The following ATP13A3 variants were observed in gnomAD, a reference collection of about 807,000 sequenced individuals.
ATP13A3 encodes ATPase 13A3.
In ATP13A3, 59 loss-of-function variants were observed where a neutral mutation model predicts 158.1. The ratio of observed to expected loss-of-function variants is 0.37; its 90% CI spans 0.30 to 0.46. The LOEUF (loss-of-function observed/expected upper bound fraction) is 0.46, where lower values mean the gene tolerates loss of function less well. ATP13A3 is among the 20% of genes least tolerant of loss of function. ATP13A3 has a pLI of 1.00. For synonymous variants in ATP13A3, 491 were observed against 504.3 expected, an observed-to-expected ratio of 0.97 and a Z score of 0.35; for missense variants, 1,166 against 1,525.2, an observed-to-expected ratio of 0.76 and a Z score of 3.92.
chr3:194,446,918 T>C lies in ATP13A3; in HGVS notation c.1497+9A>G. 1.3e-6 allele frequency: 2 copies of C among 1,587,070 alleles called. No individual in the cohort carries two copies. The highest frequency in any genetic ancestry group is 2.3e-5 in the South Asian group (2 of 85,942). The stretch of plus-strand genomic sequence containing the variant: ...TAACCTTTGAAAGTAACTATGAAAC[T>C]GAACCCACCTTGTCAAAGCAAACAA... On this transcript the variant is annotated intron_variant, in intron 14 of 33. Transcript: ENST00000645319.
chr3:194,465,200 A>G (rs1395178015), intron 2 of ATP13A3, among the ~76,000 whole-genome samples: 2 of 152,302 alleles, frequency 1.3e-5, no homozygotes, highest in Middle Eastern at 3.4e-3. Flanking sequence ...GATGGAAAAC[A>G]CTTTACAGGT....
At chr3:194,445,122 T>C (rs1468313542) in intron 14 of ATP13A3, among the ~76,000 whole-genome samples, 2 of 151,876 alleles carry the variant, frequency 1.3e-5, no homozygotes, top group Non-Finnish European at 2.9e-5. Flanking sequence ...AAAGGATGCC[T>C]ATAAAGCAAA....
At chr3:194,453,085 G>C (rs1338505478) in intron 10 of ATP13A3, 1 of 152,052 alleles carries the variant, frequency 6.6e-6, no homozygotes, top group African/African-American at 2.4e-5. Context: ...GACTGAGGCA[G>C]GAGGATCTCT....
intron 2 of ATP13A3, among the ~76,000 whole-genome samples, chr3:194,471,672 A>C (rs547673071): frequency 6.6e-6 from 1 of 152,314 alleles, no homozygotes; most frequent in Admixed American, 6.5e-5. Context: ...TTTTTATCAA[A>C]CTAATTCATC....
In ATP13A3 at chr3:194,405,638, A is replaced by G. The variant is rs899303042; in HGVS notation, c.*281T>C. On this transcript the variant is annotated 3_prime_UTR_variant, in exon 34 of 34. Coordinates refer to ENST00000645319, the MANE Select transcript of ATP13A3 (RefSeq NM_001367549.1). ...ACTTCTCCTGTACCCAATATAAAGA[A>G]TATCACTGAAAGTAACAATCAAGAA... 8.9e-5 allele frequency: 31 copies of G among 349,594 alleles called. No individual in the cohort carries two copies. Among genetic ancestry groups the G allele is most frequent in the African/African-American group, 6.5e-4 (31 of 47,628 alleles). 21.7% of individuals were successfully genotyped at this position (349,594 alleles called of 1,614,324 possible). A position where few individuals can be genotyped will look rare whatever the true frequency, so the allele number is the denominator to read the frequency against.
At chr3:194,422,963 T>C (rs1716498223) in intron 30 of ATP13A3, among the ~76,000 whole-genome samples, 1 of 150,116 alleles carries the variant, frequency 6.7e-6, no homozygotes, top group South Asian at 2.1e-4. Context: ...AGGAAAAAGA[T>C]ACATAGGCCC....
At position 194,481,668 on chromosome 3, in the gene ATP13A3, C is replaced by T. The variant is rs557703840; in HGVS notation, c.-47+4126G>A. The stretch of plus-strand genomic sequence containing the variant: ...CTCACTGAGCTAGAACCATCTTTCA[C>T]CTTACCACCCAACATCAGTTACAAG... On this transcript the variant is annotated intron_variant, in intron 2 of 33. Coordinates refer to ENST00000645319, the MANE Select transcript of ATP13A3 (RefSeq NM_001367549.1). Among the ~76,000 whole-genome samples the T allele has an allele frequency of 2.6e-5, 4 of 152,280 alleles. No homozygotes were observed. The South Asian group carries it at 8.3e-4, about 32-fold the overall frequency.
chr3:194,486,353 G>A (rs1381802044), intron 1 of ATP13A3, among the ~76,000 whole-genome samples: 3 of 151,118 alleles, frequency 2.0e-5, no homozygotes, highest in African/African-American at 4.9e-5. Context: ...GCTCGCCCCC[G>A]GCAGGCGGCG....
chr3:194,446,950 G>C lies in ATP13A3; in HGVS notation c.1474C>G (p.Leu492Val), dbSNP rs1181629533. 4 of 1,610,846 alleles carry C rather than the reference G, an allele frequency of 2.5e-6. No individual in the cohort carries two copies. In the South Asian group the frequency reaches 3.3e-5, roughly 13 times the overall value. The stretch of plus-strand genomic sequence containing the variant: ...ACCTTGTCAAAGCAAACAAGATTGA[G>C]CTGTCCACAAATATTTATTCTTTGA... ...SPQRINICGQLNLVCFDKTGT... is the reference protein window; with the variant it reads ...SPQRINICGQVNLVCFDKTGT... The change falls in exon 14 of 34, where the codon CTC (leucine) becomes GTC (valine). Residue 492 changes from leucine to valine, a missense_variant. Coordinates refer to ENST00000645319, the MANE Select transcript of ATP13A3 (RefSeq NM_001367549.1).
intron 17 of ATP13A3, 94 bp from the exon 18 acceptor site, chr3:194,437,667 A>C: frequency 7.9e-7 from 1 of 1,273,364 alleles, no homozygotes; most frequent in Non-Finnish European, 1.1e-6. Flanking sequence ...ACAAAACATT[A>C]TTTGGAAAAG....
chr3:194,448,358 G>A lies in ATP13A3; in HGVS notation c.1150+99C>T, dbSNP rs991303887. On this transcript the variant is annotated intron_variant, in intron 12 of 33. Coordinates refer to ENST00000645319, the MANE Select transcript of ATP13A3 (RefSeq NM_001367549.1). This position sits in a 1 kb window ranked among gnomAD's most constrained non-coding sequence, Gnocchi z 4.0. Reference sequence around the variant, plus strand: ...TTCCCAAAGTGCTGGGATTACAGGCGTTAGCCACAGCACCCAGCCCAGAAT... The same window carrying A: ...TTCCCAAAGTGCTGGGATTACAGGCATTAGCCACAGCACCCAGCCCAGAAT... 1.1e-5 allele frequency: 15 copies of A among 1,406,696 alleles called. No homozygotes were observed. Among genetic ancestry groups the A allele is most frequent in the African/African-American group, 2.9e-5 (2 of 69,320 alleles). 87.1% of individuals were successfully genotyped at this position (1,406,696 alleles called of 1,614,324 possible).
chr3:194,429,803 T>C (rs748246280), intron 26 of ATP13A3, 29 bp from the exon 27 acceptor site: 42 of 1,584,592 alleles, frequency 2.7e-5, no homozygotes, highest in Non-Finnish European at 3.5e-5. Context: ...TGTCGGCATA[T>C]GAATAGAAGC....
chr3:194,449,089 ACAG>A (rs1357230741), intron 11 of ATP13A3, among the ~76,000 whole-genome samples: 1 of 148,606 alleles, frequency 6.7e-6, no homozygotes, highest in Non-Finnish European at 1.5e-5. Context: ...ACACACACAC[ACAG>A]AACAGAAAAG....
At chr3:194,483,290 G>GA (rs199830648) in intron 2 of ATP13A3, among the ~76,000 whole-genome samples, 1 of 146,152 alleles carries the variant, frequency 6.8e-6, no homozygotes, top group African/African-American at 2.5e-5. Context: ...TCTCTGGGGG[G>GA]AAAAAAAAAG....
intron 31 of ATP13A3, 188 bp downstream of exon 31, chr3:194,419,690 CA>C: frequency 5.0e-6 from 4 of 793,214 alleles, no homozygotes; most frequent in Non-Finnish European, 6.1e-6. Context: ...AAAACGGCAC[CA>C]GAAGCAGAGA....
chr3:194,435,680 G>A (rs534284498), intron 20 of ATP13A3, among the ~76,000 whole-genome samples: 4 of 152,178 alleles, frequency 2.6e-5, no homozygotes, highest in South Asian at 2.1e-4. Flanking sequence ...AGGCCAAGGC[G>A]GGCAGATCAC....
chr3:194,476,215 G>A (rs562142890), intron 2 of ATP13A3, among the ~76,000 whole-genome samples: 92 of 152,182 alleles, frequency 6.0e-4, no homozygotes, highest in Non-Finnish European at 1.1e-3. Context: ...TCCTCTGCCC[G>A]CTTCTTAATT....
At position 194,433,952 on chromosome 3, in the gene ATP13A3, A is replaced by G. The variant is rs1717436141; in HGVS notation, c.2121-56T>C. ...GTTTAGTCAATTGAGTAAGCAACTT[A>G]TGTACACAAACTTGAAATATCTAAA... is the stretch of plus-strand genomic sequence containing the variant. On this transcript the variant is annotated intron_variant, in intron 20 of 33. Coordinates refer to ENST00000645319, the MANE Select transcript of ATP13A3 (RefSeq NM_001367549.1). 2.6e-6 allele frequency: 4 copies of G among 1,522,202 alleles called. No individual in the cohort carries two copies. In the Admixed American group the frequency reaches 5.8e-5, roughly 22 times the overall value. The allele number at this position is 1,522,202 out of a possible 1,614,324, so 94.3% of individuals were successfully genotyped here.
intron 2 of ATP13A3, among the ~76,000 whole-genome samples, chr3:194,469,952 T>C (rs989084987): frequency 6.6e-6 from 1 of 152,198 alleles, no homozygotes; most frequent in African/African-American, 2.4e-5. Context: ...TACAAATATA[T>C]ACAAAAAGAA....
Sources: gnomAD v4.1 joint callset for allele counts (sites outside exome capture counted in the v4.1 genomes callset) on GRCh38, gnomAD v4.1.1 for gene constraint, Gnocchi (gnomAD v3.1) non-coding constraint, MANE v1.5 for transcripts, NCBI Gene and HGNC (gene_info 2026-07-23, HGNC 2026-07-21) for gene names.